Variants in LMO7 observed in about 807,000 individuals in gnomAD.
The protein encoded by LMO7 is LIM domain only protein 7.
Under a neutral mutation model 206.5 loss-of-function variants are expected in LMO7, and 120 were observed. That is an observed-to-expected ratio of 0.58 (90% CI 0.50 to 0.68). The LOEUF is 0.68. Ranked by LOEUF, LMO7 falls within the 30% of genes least tolerant of loss-of-function variation. LMO7 has a pLI of 0.00. For synonymous variants in LMO7, 706 were observed against 681.5 expected, an observed-to-expected ratio of 1.04 and a Z score of -0.56; for missense variants, 1,959 against 1,957.9, an observed-to-expected ratio of 1.00 and a Z score of -0.01.
intron 1 of LMO7, among the ~76,000 whole-genome samples, chr13:75,656,583 G>C (rs867886175): frequency 6.6e-6 from 1 of 152,104 alleles, no homozygotes; most frequent in African/African-American, 2.4e-5. Flanking sequence ...ATGCTAAAGG[G>C]TTGTCATAGT....
At chr13:75,655,548 T>C (rs1281511795) in intron 1 of LMO7, among the ~76,000 whole-genome samples, 1 of 151,608 alleles carries the variant, frequency 6.6e-6, no homozygotes, top group Non-Finnish European at 1.5e-5. Flanking sequence ...TGTAAAAGTA[T>C]TGCTCTGTAG....
chr13:75,752,465 G>A (rs1040928011), intron 3 of LMO7, among the ~76,000 whole-genome samples: 1 of 152,070 alleles, frequency 6.6e-6, no homozygotes, highest in African/African-American at 2.4e-5. Context: ...TATTCATGGG[G>A]CACAAGTACA....
intron 4 of LMO7, among the ~76,000 whole-genome samples, chr13:75,774,085 C>A (rs921062348): frequency 6.6e-6 from 1 of 151,970 alleles, no homozygotes; most frequent in Non-Finnish European, 1.5e-5. Flanking sequence ...TTTTTTCCAG[C>A]TTTATTGTGG....
chr13:75,641,956 C>T (rs933606365), intron 1 of LMO7, among the ~76,000 whole-genome samples: 4 of 152,110 alleles, frequency 2.6e-5, no homozygotes, highest in East Asian at 1.9e-4. Context: ...CCACCACACC[C>T]GGCCCCATTT....
At chr13:75,822,106 A>G (rs1433341787) in intron 14 of LMO7, among the ~76,000 whole-genome samples, 1 of 152,200 alleles carries the variant, frequency 6.6e-6, no homozygotes, top group Admixed American at 6.5e-5. Flanking sequence ...TGTTTCTACT[A>G]GTGTCAGGAT....
At chr13:75,761,759 TTACTA>T (rs2048253530) in intron 4 of LMO7, among the ~76,000 whole-genome samples, 1 of 152,152 alleles carries the variant, frequency 6.6e-6, no homozygotes, top group African/African-American at 2.4e-5. Context: ...AATAATCATG[TTACTA>T]GATAAAGGTG....
At chr13:75,676,017 C>G (rs1566298959) in intron 1 of LMO7, among the ~76,000 whole-genome samples, 1 of 152,128 alleles carries the variant, frequency 6.6e-6, no homozygotes, top group Non-Finnish European at 1.5e-5. Flanking sequence ...GTAAAAGACT[C>G]TATGTGTTAC....
intron 1 of LMO7, among the ~76,000 whole-genome samples, chr13:75,694,060 C>T (rs929560122): frequency 3.3e-5 from 5 of 151,730 alleles, no homozygotes; most frequent in African/African-American, 9.7e-5. Context: ...GCATGTCATA[C>T]AGTGGGAGAA....
At position 75,826,160 on chromosome 13, in the gene LMO7, C is replaced by T. The variant is rs570410051; in HGVS notation, c.2949+2287C>T. ...GACTGAAGCAATCCTCCCACCTTAG[C>T]CTCTTGAGTAGCTGGGACTGCAAGC... On this transcript the variant is annotated intron_variant, in intron 15 of 30. Coordinates refer to ENST00000377534, the MANE Select transcript of LMO7 (RefSeq NM_001306080.2). Among the ~76,000 whole-genome samples the T allele has an allele frequency of 5.3e-5, 8 of 152,198 alleles. No individual in the cohort carries two copies. In the South Asian group the frequency reaches 1.5e-3, roughly 28 times the overall value.
intron 1 of LMO7, among the ~76,000 whole-genome samples, chr13:75,680,002 A>G (rs1295779954): frequency 6.6e-6 from 1 of 152,190 alleles, no homozygotes; most frequent in Non-Finnish European, 1.5e-5. Context: ...GCACCTATCA[A>G]CTTATCACCT....
intron 4 of LMO7, among the ~76,000 whole-genome samples, chr13:75,791,238 G>C (rs778274530): frequency 6.6e-6 from 1 of 152,008 alleles, no homozygotes; most frequent in Non-Finnish European, 1.5e-5. Context: ...CTTTGTTTCT[G>C]TATCTGTTTT....
At chr13:75,694,971 C>T (rs543977439) in intron 1 of LMO7, among the ~76,000 whole-genome samples, 3 of 152,230 alleles carry the variant, frequency 2.0e-5, no homozygotes, top group African/African-American at 4.8e-5. Context: ...AGCAATCATC[C>T]TTGAGGAGCC....
At chr13:75,692,484 C>A (rs1426266554) in intron 1 of LMO7, among the ~76,000 whole-genome samples, 1 of 151,610 alleles carries the variant, frequency 6.6e-6, no homozygotes, top group Admixed American at 6.6e-5. Context: ...CTTCTGGACT[C>A]AAGGGATCCT....
At chr13:75,738,818 C>T (rs1435125160) in intron 3 of LMO7, among the ~76,000 whole-genome samples, 1 of 152,104 alleles carries the variant, frequency 6.6e-6, no homozygotes, top group African/African-American at 2.4e-5. Flanking sequence ...TGTTAGTGTG[C>T]ACAAAATATA....
At chr13:75,839,976 A>AT (rs756511621) in intron 20 of LMO7, 109 bp from the exon 21 acceptor site, 3 of 973,174 alleles carry the variant, frequency 3.1e-6, no homozygotes, top group Non-Finnish European at 4.8e-6. Flanking sequence ...GTCACTTAGT[A>AT]TACTGGCATA....
chr13:75,809,600 T>C (rs921561222), intron 11 of LMO7, among the ~76,000 whole-genome samples: 1 of 152,126 alleles, frequency 6.6e-6, no homozygotes, highest in Non-Finnish European at 1.5e-5. Context: ...TAGCATTTAC[T>C]TCAAGTTTAG....
intron 3 of LMO7, among the ~76,000 whole-genome samples, chr13:75,755,673 C>T (rs895376290): frequency 3.3e-5 from 5 of 152,130 alleles, no homozygotes; most frequent in East Asian, 3.8e-4. Flanking sequence ...CATTTCTAAA[C>T]GTTTATTTTT....
chr13:75,784,926 C>T (rs2052163557), intron 4 of LMO7, among the ~76,000 whole-genome samples: 1 of 152,086 alleles, frequency 6.6e-6, no homozygotes, highest in African/African-American at 2.4e-5. Flanking sequence ...GAAATGAATA[C>T]TGTTGATCTC....
At chr13:75,651,681 T>C (rs1655110679) in intron 1 of LMO7, among the ~76,000 whole-genome samples, 1 of 152,212 alleles carries the variant, frequency 6.6e-6, no homozygotes, top group South Asian at 2.1e-4. Flanking sequence ...TTCGTAGAAC[T>C]GAAACACTTT....
Sources: gnomAD v4.1 joint callset for allele counts (sites outside exome capture counted in the v4.1 genomes callset) on GRCh38, gnomAD v4.1.1 for gene constraint, MANE v1.5 for transcripts, NCBI Gene and HGNC (gene_info 2026-07-23, HGNC 2026-07-21) for gene names.